The following CELA3A variants were observed in gnomAD, a reference collection of about 807,000 sequenced individuals.
CELA3A encodes chymotrypsin like elastase 3A, also known as chymotrypsin-like elastase family member 3A.
CELA3A carries 35 observed loss-of-function variants against 38.6 expected under a neutral mutation model. That is an observed-to-expected ratio of 0.91 (90% CI 0.69 to 1.20). CELA3A has a LOEUF of 1.20. Among genes scored for constraint, CELA3A ranks in the 50% most tolerant of loss-of-function variants. CELA3A has a pLI of 0.00. For missense variants in CELA3A, 343 were observed against 354.2 expected (o/e 0.97, Z 0.25); for synonymous variants, 143 against 136.7 (o/e 1.05, Z -0.32).
intron 7 of CELA3A, among the ~76,000 whole-genome samples, chr1:22,012,181 A>G (rs1644986910): frequency 1.6e-5 from 2 of 128,962 alleles, no homozygotes. Context: ...ACATATACAC[A>G]CACATGCATA....
rs1276723987 is a variant in CELA3A, at chr1:22,002,898, T to G, written c.44-105T>G. Reference sequence around the variant, plus strand: ...GTCCAGAGGGCGAAAGGGGCTTGCATGGGGTCACACAGCCAGTTGAAGGCA... The same window carrying G: ...GTCCAGAGGGCGAAAGGGGCTTGCAGGGGGTCACACAGCCAGTTGAAGGCA... On this transcript the variant is annotated intron_variant, in intron 1 of 7. Coordinates refer to ENST00000290122, the MANE Select transcript of CELA3A (RefSeq NM_005747.5). 8.7e-6 allele frequency: 9 copies of G among 1,034,920 alleles called. No homozygotes were observed. The Admixed American group carries it at 1.5e-4, about 18-fold the overall frequency. The allele number at this position is 1,034,920 out of a possible 1,614,324, so 64.1% of individuals were successfully genotyped here.
rs747087371 is a variant in CELA3A, at chr1:22,009,728, C to A, written c.666C>A (p.Asn222Lys). ...GCNGDSGGPL[N>K]CPTEDGGWQV... ...AGGGTGACTCTGGAGGACCCCTCAA[C>A]TGCCCCACAGAGGATGGTGGCTGGC... The change falls in exon 7 of 8, where the codon AAC (asparagine) becomes AAA (lysine). Residue 222 changes from asparagine (N) to lysine (K), a missense_variant. Physicochemically the swap from Asn to Lys is moderately conservative, Grantham distance 94. Transcript: ENST00000290122. 6.2e-7 allele frequency: 1 copy of A among 1,612,194 alleles called. No homozygotes were observed. The highest frequency in any genetic ancestry group is 1.1e-5 in the South Asian group (1 of 91,012).
intron 5 of CELA3A, 115 bp downstream of exon 5, chr1:22,007,129 T>C: frequency 6.8e-7 from 1 of 1,480,776 alleles, no homozygotes; most frequent in Non-Finnish European, 9.1e-7. Context: ...CCCATTTCTC[T>C]CCAGCTGCAG....
chr1:22,008,541 C>G (rs1162327141), intron 6 of CELA3A, among the ~76,000 whole-genome samples: 1 of 150,550 alleles, frequency 6.6e-6, no homozygotes, highest in Admixed American at 6.6e-5. Flanking sequence ...GGGCGGATCA[C>G]GAGGTCAGGA....
chr1:22,008,618 G>A (rs1248024845), intron 6 of CELA3A, among the ~76,000 whole-genome samples: 1 of 150,714 alleles, frequency 6.6e-6, no homozygotes, highest in Admixed American at 6.6e-5. Flanking sequence ...AGTTAGCCGG[G>A]TGTGGTGGTG....
At position 22,008,145 on chromosome 1, in the gene CELA3A, G is replaced by A. The variant is rs1169988811; in HGVS notation, c.642+630G>A. 1.6e-4 allele frequency among the ~76,000 whole-genome samples: 7 copies of A among 44,320 alleles called. 1 individual carries two copies. The highest frequency in any genetic ancestry group is 4.0e-4 in the East Asian group (1 of 2,516). The allele number at this position is 44,320 out of a possible 152,430, so 29.1% of individuals were successfully genotyped here. A position where few individuals can be genotyped will look rare whatever the true frequency, so the allele number is the denominator to read the frequency against. ...CCCAAGCCTGGCGACACAGCAAGAC[G>A]TTGTCTCTTTTTTTTTTTTTTTTGA... On this transcript the variant is annotated intron_variant, in intron 6 of 7. Coordinates refer to ENST00000290122, the MANE Select transcript of CELA3A (RefSeq NM_005747.5).
Position 22,008,710 on chromosome 1 carries a change from G to T in CELA3A, c.643-995G>T, listed in dbSNP as rs555211960. On this transcript the variant is annotated intron_variant, in intron 6 of 7. Transcript: ENST00000290122. ...GGAGTTGGAGCTTGCCGTGAGCCGAGATCGCGCCACTGCACTCCAACCTGG... is the reference window on the plus strand; with the variant it reads ...GGAGTTGGAGCTTGCCGTGAGCCGATATCGCGCCACTGCACTCCAACCTGG... Among the ~76,000 whole-genome samples, 59 of 150,284 alleles carry T rather than the reference G, an allele frequency of 3.9e-4. 2 individuals carry two copies. The highest frequency in any genetic ancestry group is 1.4e-3 in the African/African-American group (57 of 40,462).
intron 4 of CELA3A, 22 bp from the exon 5 acceptor site, chr1:22,006,856 G>A (rs761465173): frequency 1.2e-5 from 19 of 1,609,484 alleles, no homozygotes; most frequent in Admixed American, 5.0e-5. Flanking sequence ...ACCAGGCCCC[G>A]TGACTGTTCC....
At position 22,007,401 on chromosome 1, in the gene CELA3A, G is replaced by T. The variant is rs370219658; in HGVS notation, c.528G>T (p.Gln176His). The stretch of plus-strand genomic sequence containing the variant: ...ATGGGCCACTCCCAGACAAGCTGCA[G>T]CAGGCCCGGCTGCCCGTGGTGGACT... ...YTNGPLPDKLQQARLPVVDYK... is the reference protein window; with the variant it reads ...YTNGPLPDKLHQARLPVVDYK... The change falls in exon 6 of 8, where the codon CAG becomes CAT. Residue 176 changes from glutamine (Q) to histidine (H), a missense_variant. Gln to His is a conservative substitution (Grantham distance 24). Transcript: ENST00000290122. 5 of 1,612,208 alleles carry T rather than the reference G, an allele frequency of 3.1e-6. No homozygotes were observed. The highest frequency in any genetic ancestry group is 4.2e-6 in the Non-Finnish European group (5 of 1,179,264).
intron 6 of CELA3A, among the ~76,000 whole-genome samples, chr1:22,007,955 C>T (rs1236268033): frequency 6.6e-6 from 1 of 150,690 alleles, no homozygotes; most frequent in African/African-American, 2.5e-5. Flanking sequence ...AGTTTGAGAC[C>T]AGCCTAGGTA....
At chr1:22,005,637 C>T (rs60835234) in intron 3 of CELA3A, 25 bp from the exon 4 acceptor site, 4 of 1,612,270 alleles carry the variant, frequency 2.5e-6, no homozygotes, top group Admixed American at 1.7e-5. Context: ...AGTCAGGCCC[C>T]GACTGACCTC....
intron 6 of CELA3A, among the ~76,000 whole-genome samples, chr1:22,007,772 C>T (rs1644960179): frequency 1.3e-5 from 2 of 151,252 alleles, no homozygotes; most frequent in Non-Finnish European, 2.9e-5. Context: ...CTCAGGCTTC[C>T]GCATCAGCAC....
chr1:22,010,220 A>G (rs983842882), intron 7 of CELA3A: 4 of 377,662 alleles, frequency 1.1e-5, no homozygotes, highest in Admixed American at 7.5e-5. Flanking sequence ...CAGTCTGATG[A>G]GAGCCGAGAG....
Position 22,004,387 on chromosome 1 carries a change from C to G in CELA3A, c.130-1060C>G, listed in dbSNP as rs1569866385. Among the ~76,000 whole-genome samples, 3 of 151,154 alleles carry G rather than the reference C, an allele frequency of 2.0e-5. No homozygotes were observed. The East Asian group carries it at 5.9e-4, about 30-fold the overall frequency. On this transcript the variant is annotated intron_variant, in intron 2 of 7. Transcript: ENST00000290122. ...CATGCTTGGCCTGCTTGCCACATTT[C>G]AAATGTTCAATAGTCACATGTGGCT...
At chr1:22,006,715 TCAA>T (rs1175800946) in intron 4 of CELA3A, among the ~76,000 whole-genome samples, 160 bp from the exon 5 acceptor site, 2 of 53,942 alleles carry the variant, frequency 3.7e-5, no homozygotes, top group African/African-American at 7.2e-5. Flanking sequence ...AGACTCTGTC[TCAA>T]TAATAATAAT....
At chr1:22,011,819 C>G (rs1489637145) in intron 7 of CELA3A, among the ~76,000 whole-genome samples, 1 of 124,962 alleles carries the variant, frequency 8.0e-6, no homozygotes, top group Non-Finnish European at 1.6e-5. Flanking sequence ...CTTTGGGAGG[C>G]CGAGGTGGGC....
At chr1:22,004,287 T>TA (rs1168930716) in intron 2 of CELA3A, among the ~76,000 whole-genome samples, 1 of 150,708 alleles carries the variant, frequency 6.6e-6, no homozygotes, top group Admixed American at 6.6e-5. Flanking sequence ...TGCCCAGGCT[T>TA]GCCTCGAACT....
rs374583281 is a variant in CELA3A at position 22,007,700 on chromosome 1, G to A, written c.642+185G>A. The stretch of plus-strand genomic sequence containing the variant: ...CCCAGGCCTGGGAGTCAGGACCCCC[G>A]GGTTGCAGTCTCAGCTCACACACTG... On this transcript the variant is annotated intron_variant, in intron 6 of 7. Coordinates refer to ENST00000290122, the MANE Select transcript of CELA3A (RefSeq NM_005747.5). Among the ~76,000 whole-genome samples, 1,124 of 151,150 alleles carry A rather than the reference G, an allele frequency of 7.4e-3. 44 individuals are homozygous for A. The highest frequency in any genetic ancestry group is 0.057 in the East Asian group (289 of 5,108).
intron 4 of CELA3A, 48 bp downstream of exon 4, chr1:22,005,844 C>G: frequency 1.2e-6 from 2 of 1,606,912 alleles, no homozygotes; most frequent in Non-Finnish European, 1.7e-6. Context: ...CTACTTGTCC[C>G]TCCATGACCC....
Sources: allele counts gnomAD v4.1 joint callset (sites outside exome capture counted in the v4.1 genomes callset), GRCh38; gene constraint gnomAD v4.1.1; transcripts MANE v1.5; gene names NCBI Gene and HGNC (gene_info 2026-07-23, HGNC 2026-07-21).